Variants in CYP7B1 observed in about 807,000 individuals in gnomAD.
The protein encoded by CYP7B1 is cytochrome P450 7B1.
A neutral mutation model predicts 42.7 loss-of-function variants in CYP7B1; 29 were observed. The observed-to-expected ratio is 0.68, with a 90% CI of 0.51 to 0.93. The LOEUF (loss-of-function observed/expected upper bound fraction) is 0.93. CYP7B1 is among the 40% of genes least tolerant of loss of function. The pLI, the probability that CYP7B1 is intolerant of heterozygous loss-of-function variation, is 0.00. For synonymous variants in CYP7B1, 235 were observed against 218.2 expected (o/e 1.08, Z -0.68); for missense variants, 655 against 600.5 (o/e 1.09, Z -0.95).
intron 1 of CYP7B1, among the ~76,000 whole-genome samples, chr8:64,773,184 T>C (rs1804263634): frequency 6.6e-6 from 1 of 152,246 alleles, no homozygotes; most frequent in African/African-American, 2.4e-5. Flanking sequence ...TCTGTTTTGT[T>C]CTCTGGTATT....
chr8:64,610,638 A>C (rs1434048191), intron 4 of CYP7B1, among the ~76,000 whole-genome samples: 4 of 152,144 alleles, frequency 2.6e-5, no homozygotes, highest in African/African-American at 9.7e-5. Context: ...AAACTATTCT[A>C]AAATAAAAAG....
At chr8:64,640,723 CA>C (rs1349314164) in intron 1 of CYP7B1, among the ~76,000 whole-genome samples, 5 of 151,980 alleles carry the variant, frequency 3.3e-5, no homozygotes, top group Admixed American at 3.3e-4. Flanking sequence ...ATCAAATAAG[CA>C]AAAAATATCA....
At chr8:64,659,411 C>G (rs914955123) in intron 1 of CYP7B1, among the ~76,000 whole-genome samples, 1 of 152,072 alleles carries the variant, frequency 6.6e-6, no homozygotes, top group African/African-American at 2.4e-5. Context: ...GTGCAGTATT[C>G]CCCTGAATAA....
chr8:64,624,226 G>A (rs1216952350), intron 2 of CYP7B1, among the ~76,000 whole-genome samples, 177 bp downstream of exon 2: 1 of 151,932 alleles, frequency 6.6e-6, no homozygotes, highest in Admixed American at 6.6e-5. Context: ...TCTATAATTT[G>A]ATTTTTAATG....
chr8:64,622,953 G>A (rs1455634332), intron 2 of CYP7B1, among the ~76,000 whole-genome samples: 1 of 152,044 alleles, frequency 6.6e-6, no homozygotes, highest in East Asian at 1.9e-4. Context: ...GTGAGAGTGG[G>A]GAGTGAGACT....
Position 64,616,206 on chromosome 8 carries a change from CGA to C in CYP7B1, c.333_334del (p.Phe111LeufsTer5). On this transcript the variant is annotated frameshift_variant, in exon 3 of 6. Coordinates refer to ENST00000310193, the MANE Select transcript of CYP7B1 (RefSeq NM_004820.5). LOFTEE classifies it high-confidence loss of function. The stretch of plus-strand genomic sequence containing the variant: ...CTCTAATAATTTATTAGAAAATACT[CGA>C]AAGCTTAATTGTTTATGATTTTTTA... 6.2e-7 allele frequency: 1 copy of C among 1,610,596 alleles called. No homozygotes were observed. Among genetic ancestry groups the C allele is most frequent in the Non-Finnish European group, 8.5e-7 (1 of 1,178,516 alleles).
intron 5 of CYP7B1, among the ~76,000 whole-genome samples, chr8:64,601,725 A>C (rs920404194): frequency 6.6e-6 from 1 of 152,208 alleles, no homozygotes; most frequent in African/African-American, 2.4e-5. Context: ...AATATTTAAA[A>C]ATTCAAACCT....
At chr8:64,762,294 C>T (rs1162661506) in intron 1 of CYP7B1, among the ~76,000 whole-genome samples, 3 of 152,024 alleles carry the variant, frequency 2.0e-5, no homozygotes, top group African/African-American at 4.8e-5. Flanking sequence ...GGATGTATTA[C>T]AATTATTTTT....
At chr8:64,599,642 C>T (rs2129629829) in intron 5 of CYP7B1, among the ~76,000 whole-genome samples, 1 of 152,232 alleles carries the variant, frequency 6.6e-6, no homozygotes, top group South Asian at 2.1e-4. Context: ...GTTGACTCCC[C>T]AACATTGTTC....
intron 1 of CYP7B1, among the ~76,000 whole-genome samples, chr8:64,768,877 G>A (rs1019954182): frequency 3.9e-5 from 6 of 152,040 alleles, no homozygotes; most frequent in Admixed American, 3.3e-4. Context: ...ACCTACCTTT[G>A]AGTGGCTCTA....
intron 1 of CYP7B1, among the ~76,000 whole-genome samples, chr8:64,739,669 A>G (rs539200205): frequency 9.2e-5 from 14 of 152,312 alleles, no homozygotes; most frequent in African/African-American, 3.1e-4. Flanking sequence ...ATGCCTTCGA[A>G]TTTTCCAAAT....
chr8:64,608,229 G>T (rs182560177), intron 4 of CYP7B1, among the ~76,000 whole-genome samples: 3 of 152,206 alleles, frequency 2.0e-5, no homozygotes, highest in African/African-American at 7.2e-5. Context: ...GGTTAAAAAA[G>T]GCATGCACAT....
At chr8:64,600,583 G>A (rs954800170) in intron 5 of CYP7B1, among the ~76,000 whole-genome samples, 2 of 152,160 alleles carry the variant, frequency 1.3e-5, no homozygotes, top group East Asian at 1.9e-4. Flanking sequence ...GAGTACAGAA[G>A]TCCCTTTTTA....
At chr8:64,658,917 A>G (rs549301842) in intron 1 of CYP7B1, among the ~76,000 whole-genome samples, 32 of 152,206 alleles carry the variant, frequency 2.1e-4, no homozygotes, top group Non-Finnish European at 3.8e-4. Flanking sequence ...GAGACAAGGA[A>G]GCAACACAAC....
intron 1 of CYP7B1, among the ~76,000 whole-genome samples, chr8:64,683,447 G>A (rs1014950118): frequency 7.9e-5 from 12 of 152,252 alleles, no homozygotes; most frequent in Non-Finnish European, 1.5e-4. Flanking sequence ...AGGCTGCAAG[G>A]GTAGTGGGAG....
Position 64,615,248 on chromosome 8 carries a change from T to C in CYP7B1, c.851-16A>G, listed in dbSNP as rs375053083. 2.1e-5 allele frequency: 34 copies of C among 1,605,244 alleles called. No homozygotes were observed. The African/African-American group carries it at 3.3e-4, about 16-fold the overall frequency. On this transcript the variant is annotated splice_polypyrimidine_tract_variant and intron_variant, in intron 3 of 5. Transcript: ENST00000310193. ...AAATGATGTGCTGGGAGAAAATAAG[T>C]GAAAAGGAAGATTAATAGCGTTTAT... is the stretch of plus-strand genomic sequence containing the variant.
intron 1 of CYP7B1, among the ~76,000 whole-genome samples, chr8:64,745,153 G>T (rs1807624994): frequency 6.6e-6 from 1 of 152,146 alleles, no homozygotes; most frequent in Non-Finnish European, 1.5e-5. Flanking sequence ...CAACCAAAAA[G>T]CTTAAATGTT....
chr8:64,696,450 A>AT (rs1221672729), intron 1 of CYP7B1, among the ~76,000 whole-genome samples: 4 of 152,178 alleles, frequency 2.6e-5, no homozygotes, highest in Admixed American at 6.6e-5. Context: ...ATAAATTATT[A>AT]TTTTTACCAC....
intron 1 of CYP7B1, among the ~76,000 whole-genome samples, chr8:64,764,265 A>C: frequency 1.3e-5 from 1 of 79,702 alleles, no homozygotes; most frequent in Non-Finnish European, 2.3e-5. Flanking sequence ...CCTGCAATAC[A>C]ATCTCCAAGC....
Sources: allele counts gnomAD v4.1 joint callset (sites outside exome capture counted in the v4.1 genomes callset), GRCh38; gene constraint gnomAD v4.1.1; transcripts MANE v1.5; gene names NCBI Gene and HGNC (gene_info 2026-07-23, HGNC 2026-07-21).